The following EXOC4 variants were observed in gnomAD, a reference collection of about 807,000 sequenced individuals.
EXOC4 encodes the protein exocyst complex component 4.
Under a neutral mutation model 107.2 loss-of-function variants are expected in EXOC4, and 71 were observed. The ratio of observed to expected loss-of-function variants is 0.66; its 90% CI spans 0.55 to 0.81. The LOEUF (loss-of-function observed/expected upper bound fraction) is 0.81. Among genes scored for constraint, EXOC4 ranks in the 30% least tolerant of loss-of-function variants. EXOC4 has a pLI of 0.00. For missense variants in EXOC4, 1,108 were observed against 1,189.6 expected (o/e 0.93, Z 1.01); for synonymous variants, 456 against 441.2 (o/e 1.03, Z -0.42).
intron 6 of EXOC4, 69 bp from the exon 7 acceptor site, chr7:133,374,759 C>A: frequency 7.8e-7 from 1 of 1,277,504 alleles, no homozygotes; most frequent in Non-Finnish European, 1.1e-6. Flanking sequence ...GTTTTTCTTG[C>A]AGGTCACTGT....
chr7:133,841,222 G>T (rs1040933750), intron 11 of EXOC4, among the ~76,000 whole-genome samples: 1 of 152,132 alleles, frequency 6.6e-6, no homozygotes, highest in African/African-American at 2.4e-5. Context: ...ATTCACAAGG[G>T]CTCTGCTTTT....
At chr7:134,064,239 A>G (rs188892060) in intron 17 of EXOC4, 52 bp from the exon 18 acceptor site, 4 of 1,250,762 alleles carry the variant, frequency 3.2e-6, no homozygotes, top group East Asian at 5.2e-5. Context: ...TCCCCTCGAG[A>G]CGACGTTACC....
intron 14 of EXOC4, among the ~76,000 whole-genome samples, chr7:133,985,408 T>G (rs1237628957): frequency 6.6e-6 from 1 of 152,164 alleles, no homozygotes. Context: ...GAATTAAATG[T>G]TCCACAAGCC....
At chr7:133,501,943 T>C (rs1799583570) in intron 9 of EXOC4, among the ~76,000 whole-genome samples, 1 of 152,178 alleles carries the variant, frequency 6.6e-6, no homozygotes, top group Non-Finnish European at 1.5e-5. Context: ...GGCTATCCAA[T>C]CAAGGAGGGG....
chr7:133,902,869 A>C (rs1404884984), intron 12 of EXOC4, among the ~76,000 whole-genome samples: 3 of 151,782 alleles, frequency 2.0e-5, no homozygotes, highest in Admixed American at 1.3e-4. Context: ...AACAAAACAA[A>C]AAAAAAAAGA....
intron 11 of EXOC4, among the ~76,000 whole-genome samples, chr7:133,842,559 T>C (rs139458880): frequency 1.3e-5 from 2 of 152,358 alleles, no homozygotes; most frequent in African/African-American, 2.4e-5. Flanking sequence ...CTTTGTTGAA[T>C]GCATAGTTTG....
intron 9 of EXOC4, among the ~76,000 whole-genome samples, chr7:133,529,260 TA>T (rs1470818768): frequency 3.3e-5 from 5 of 152,168 alleles, no homozygotes; most frequent in Admixed American, 3.3e-4. Context: ...ATTTAAAAAA[TA>T]AAACCCTAGT....
chr7:133,484,092 T>C, intron 9 of EXOC4: 1 of 1,613,478 alleles, frequency 6.2e-7, no homozygotes, highest in Non-Finnish European at 8.5e-7. Flanking sequence ...ATTAAAAAGC[T>C]CAAATTTTAC....
intron 7 of EXOC4, among the ~76,000 whole-genome samples, chr7:133,459,627 G>A (rs1398873421): frequency 3.3e-5 from 5 of 152,144 alleles, no homozygotes; most frequent in Non-Finnish European, 5.9e-5. Context: ...AAAATGGGGA[G>A]TAAATAGTTG....
At chr7:133,261,633 G>T (rs1159276273) in intron 1 of EXOC4, among the ~76,000 whole-genome samples, 1 of 152,058 alleles carries the variant, frequency 6.6e-6, no homozygotes, top group African/African-American at 2.4e-5. Flanking sequence ...CTTGAGCTTT[G>T]TTCTGAGATG....
intron 5 of EXOC4, among the ~76,000 whole-genome samples, chr7:133,330,705 AG>A (rs1795363344): frequency 6.6e-6 from 1 of 151,666 alleles, no homozygotes; most frequent in South Asian, 2.1e-4. Context: ...TCTGTTGGGT[AG>A]GGGGAGAGAA....
Position 134,000,260 on chromosome 7 carries a change from C to T in EXOC4, c.2348+2627C>T, listed in dbSNP as rs577604488. Among the ~76,000 whole-genome samples, 5 of 152,164 alleles carry T rather than the reference C, an allele frequency of 3.3e-5. No homozygotes were observed. The South Asian group carries it at 1.0e-3, about 32-fold the overall frequency. ...AGATGCACTTACTCTATCCTGGTCA[C>T]GTTAACAATTTTTTTTCAGTTTGCA... On this transcript the variant is annotated intron_variant, in intron 15 of 17. Coordinates refer to ENST00000253861, the MANE Select transcript of EXOC4 (RefSeq NM_021807.4).
At chr7:134,033,507 G>A (rs1795315337) in intron 17 of EXOC4, among the ~76,000 whole-genome samples, 1 of 152,056 alleles carries the variant, frequency 6.6e-6, no homozygotes. Flanking sequence ...ACACTCCCAG[G>A]AACTCCCTCC....
At chr7:133,521,803 T>TTTTCC (rs1799985422) in intron 9 of EXOC4, among the ~76,000 whole-genome samples, 1 of 152,046 alleles carries the variant, frequency 6.6e-6, no homozygotes, top group Admixed American at 6.6e-5. Flanking sequence ...GTATTTTTAG[T>TTTTCC]AGAGACGTGA....
chr7:134,007,078 T>C (rs1794658698), intron 16 of EXOC4, among the ~76,000 whole-genome samples: 1 of 152,228 alleles, frequency 6.6e-6, no homozygotes, highest in Non-Finnish European at 1.5e-5. Context: ...TTGTGTCTTA[T>C]ACACCCATTG....
chr7:133,327,830 C>T (rs758703164), intron 5 of EXOC4, among the ~76,000 whole-genome samples: 9 of 152,090 alleles, frequency 5.9e-5, no homozygotes, highest in Non-Finnish European at 1.2e-4. Context: ...CGTTCTTTTG[C>T]ATTTGCTGAG....
chr7:133,379,209 GT>G (rs1287260481), intron 7 of EXOC4, among the ~76,000 whole-genome samples: 2 of 151,882 alleles, frequency 1.3e-5, no homozygotes, highest in Non-Finnish European at 2.9e-5. Flanking sequence ...CTATATTCTT[GT>G]TTTGTTAACT....
At chr7:133,800,798 A>G (rs1356553735) in intron 10 of EXOC4, among the ~76,000 whole-genome samples, 2 of 152,232 alleles carry the variant, frequency 1.3e-5, no homozygotes, top group Non-Finnish European at 2.9e-5. Flanking sequence ...CTGTTCTCCA[A>G]TAACGATACT....
At chr7:133,666,324 T>C (rs1793812713) in intron 10 of EXOC4, among the ~76,000 whole-genome samples, 1 of 152,156 alleles carries the variant, frequency 6.6e-6, no homozygotes, top group African/African-American at 2.4e-5. Flanking sequence ...TTTATTAACA[T>C]TTATAAATTT....
Sources: allele counts gnomAD v4.1 joint callset (sites outside exome capture counted in the v4.1 genomes callset), GRCh38; gene constraint gnomAD v4.1.1; transcripts MANE v1.5; gene names NCBI Gene and HGNC (gene_info 2026-07-23, HGNC 2026-07-21).